Variants in NCBP3 observed in about 807,000 individuals in gnomAD.
The protein encoded by NCBP3 is nuclear cap binding subunit 3, also known as nuclear cap-binding protein subunit 3.
Under a neutral mutation model 75.7 loss-of-function variants are expected in NCBP3, and 20 were observed. The observed-to-expected ratio is 0.26, with a 90% CI of 0.19 to 0.38. The LOEUF (loss-of-function observed/expected upper bound fraction) is 0.38. Among genes scored for constraint, NCBP3 ranks in the 10% least tolerant of loss-of-function variants. The pLI is 1.00. For missense variants in NCBP3, 678 were observed against 796.9 expected (o/e 0.85, Z 1.80); for synonymous variants, 293 against 290.5 (o/e 1.01, Z -0.09).
chr17:3,835,491 G>A (rs1172802197), intron 3 of NCBP3, among the ~76,000 whole-genome samples: 2 of 152,272 alleles, frequency 1.3e-5, no homozygotes, highest in African/African-American at 4.8e-5. Context: ...TTGAGCGAAT[G>A]GGCAGCAAGC....
Position 3,809,303 on chromosome 17 carries a change from T to TAATTATGACTCAGC in NCBP3, c.*3727_*3740dup, listed in dbSNP as rs2053371716. On this transcript the variant is annotated 3_prime_UTR_variant, in exon 13 of 13. Transcript: ENST00000389005. ...TGGTGGTTCCTGAAAAGGTTAAAGA[T>TAATTATGACTCAGC]AATTATGACTCAGCAATTCCACTCC... 2.0e-5 allele frequency: 3 copies of TAATTATGACTCAGC among 152,084 alleles called. No individual in the cohort carries two copies. The highest frequency in any genetic ancestry group is 4.4e-5 in the Non-Finnish European group (3 of 68,016). The allele number at this position is 152,084 out of a possible 1,614,324, so 9.4% of individuals were successfully genotyped here.
chr17:3,818,493 GTCT>G lies in NCBP3; in HGVS notation c.1077_1079del (p.Glu359del), dbSNP rs746673147. 5.3e-5 allele frequency: 86 copies of G among 1,613,490 alleles called. No individual in the cohort carries two copies. Among genetic ancestry groups the G allele is most frequent in the Non-Finnish European group, 6.7e-5 (79 of 1,180,008 alleles). On this transcript the variant is annotated inframe_deletion, in exon 10 of 13. Transcript: ENST00000389005. The surrounding 1 kb of genome is among the most constrained non-coding windows in gnomAD (Gnocchi z 4.7). ...CTCTGTCATCTGCATCCATGTCCTG[GTCT>G]TCTTCTTCCTCTTCCTCTTCCTCCT...
At chr17:3,845,937 T>C (rs2054156632) in intron 1 of NCBP3, 104 bp downstream of exon 1, 2 of 1,335,336 alleles carry the variant, frequency 1.5e-6, no homozygotes, top group Non-Finnish European at 2.0e-6. Flanking sequence ...TCCCGCTCCC[T>C]TGACTTCCCC....
chr17:3,809,478 G>A lies in NCBP3; in HGVS notation c.*3566C>T, dbSNP rs2053375440. On this transcript the variant is annotated 3_prime_UTR_variant, in exon 13 of 13. Coordinates refer to ENST00000389005, the MANE Select transcript of NCBP3 (RefSeq NM_001114118.3). ...CCCAGAACTTTGGGAGGAAGAGGTG[G>A]GCAGATCACCTGAGGTCAGGAGTTC... 1 of 152,338 alleles carries A rather than the reference G, an allele frequency of 6.6e-6. No individual in the cohort carries two copies. The highest frequency in any genetic ancestry group is 6.5e-5 in the Admixed American group (1 of 15,292). 9.4% of individuals were successfully genotyped at this position (152,338 alleles called of 1,614,324 possible).
At chr17:3,829,965 G>A (rs577041052) in intron 3 of NCBP3, among the ~76,000 whole-genome samples, 1 of 152,316 alleles carries the variant, frequency 6.6e-6, no homozygotes, top group South Asian at 2.1e-4. Context: ...ACATGCACAT[G>A]AAAACAAGAA....
intron 9 of NCBP3, among the ~76,000 whole-genome samples, chr17:3,819,475 G>A (rs2053619547): frequency 6.6e-6 from 1 of 151,908 alleles, no homozygotes. Context: ...TAGGAGAATG[G>A]CGTGAACCCG....
chr17:3,843,716 T>G (rs898332352), intron 1 of NCBP3, among the ~76,000 whole-genome samples: 11 of 152,198 alleles, frequency 7.2e-5, no homozygotes, highest in African/African-American at 2.7e-4. Context: ...CCAGCTAATT[T>G]TTTTATTTTT....
chr17:3,812,466 C>T lies in NCBP3; in HGVS notation c.*578G>A, dbSNP rs945422759. On this transcript the variant is annotated 3_prime_UTR_variant, in exon 13 of 13. Transcript: ENST00000389005. Reference sequence around the variant, plus strand: ...GCAATCCCCGAGGGAAGAACGGAAGCACAGTCAATGCTGCAGCTCTTATCT... The same window carrying T: ...GCAATCCCCGAGGGAAGAACGGAAGTACAGTCAATGCTGCAGCTCTTATCT... The T allele has an allele frequency of 1.0e-6, 1 of 973,082 alleles. No homozygotes were observed. Among genetic ancestry groups the T allele is most frequent in the African/African-American group, 1.8e-5 (1 of 56,928 alleles). 60.3% of individuals were successfully genotyped at this position (973,082 alleles called of 1,614,324 possible). A position where few individuals can be genotyped will look rare whatever the true frequency, so the allele number is the denominator to read the frequency against.
chr17:3,826,870 G>C (rs562922053), intron 4 of NCBP3, among the ~76,000 whole-genome samples: 1 of 151,730 alleles, frequency 6.6e-6, no homozygotes, highest in Non-Finnish European at 1.5e-5. Context: ...AAAATTAGCC[G>C]GGCGTGGTGG....
intron 11 of NCBP3, among the ~76,000 whole-genome samples, chr17:3,815,104 C>T (rs1020880450): frequency 5.9e-5 from 9 of 152,208 alleles, no homozygotes; most frequent in African/African-American, 2.2e-4. Flanking sequence ...TCCAACACTT[C>T]CTAGCACTGA....
chr17:3,830,582 C>G (rs1040764498), intron 3 of NCBP3, among the ~76,000 whole-genome samples: 10 of 152,196 alleles, frequency 6.6e-5, no homozygotes, highest in African/African-American at 2.2e-4. Context: ...TTAGCCTTAT[C>G]AGGACTGCAT....
At chr17:3,842,347 C>G (rs2054079436) in intron 2 of NCBP3, among the ~76,000 whole-genome samples, 1 of 151,956 alleles carries the variant, frequency 6.6e-6, no homozygotes, top group Non-Finnish European at 1.5e-5. Context: ...ATCGCTGGAA[C>G]CCAGGAGGTG....
At chr17:3,843,257 T>TG in intron 1 of NCBP3, 106 bp from the exon 2 acceptor site, 2 of 897,290 alleles carry the variant, frequency 2.2e-6, no homozygotes, top group Non-Finnish European at 3.4e-6. Flanking sequence ...TTTTTTTTTT[T>TG]TTGTTGGTGA....
chr17:3,825,853 A>G lies in NCBP3; in HGVS notation c.611-10T>C. On this transcript the variant is annotated splice_polypyrimidine_tract_variant and intron_variant, in intron 5 of 12. Coordinates refer to ENST00000389005, the MANE Select transcript of NCBP3 (RefSeq NM_001114118.3). ...CTGTCTTCCTGCTTGTCTAAAATGG[A>G]ATGTGAAGGACAAGATGAAACAAGA... 6.5e-7 allele frequency: 1 copy of G among 1,545,158 alleles called. No homozygotes were observed. The highest frequency in any genetic ancestry group is 8.8e-7 in the Non-Finnish European group (1 of 1,141,624).
At chr17:3,815,262 C>T (rs890298795) in intron 11 of NCBP3, among the ~76,000 whole-genome samples, 6 of 152,184 alleles carry the variant, frequency 3.9e-5, no homozygotes, top group African/African-American at 1.4e-4. Context: ...GGTTACTTCT[C>T]ATGTAAAAAA....
In NCBP3 at chr17:3,846,063, C is replaced by A; in HGVS notation, c.161G>T (p.Arg54Leu). 6 of 1,548,838 alleles carry A rather than the reference C, an allele frequency of 3.9e-6. No homozygotes were observed. Among genetic ancestry groups the A allele is most frequent in the Non-Finnish European group, 4.4e-6 (5 of 1,145,806 alleles). ...TACCGGGATCAGTTCCTTGAGCGAGCGCCGCACAGGCACGATTTCCAGCTC... is the reference window on the plus strand; with the variant it reads ...TACCGGGATCAGTTCCTTGAGCGAGAGCCGCACAGGCACGATTTCCAGCTC... ...EGELEIVPVRRSLKELIPDTS... is the reference protein window; with the variant it reads ...EGELEIVPVRLSLKELIPDTS... The change falls in exon 1 of 13, where the codon CGC becomes CTC. Residue 54 changes from arginine to leucine, a missense_variant. By Grantham distance (102) the Arg-to-Leu change is moderately radical. Coordinates refer to ENST00000389005, the MANE Select transcript of NCBP3 (RefSeq NM_001114118.3). The surrounding 1 kb of genome is among the most constrained non-coding windows in gnomAD (Gnocchi z 4.6).
rs764658264 is a variant in NCBP3, at chr17:3,818,619, C to T, written c.1001-47G>A. On this transcript the variant is annotated intron_variant, in intron 9 of 12. Transcript: ENST00000389005. This position sits in a 1 kb window ranked among gnomAD's most constrained non-coding sequence, Gnocchi z 4.7. ...ACATTAGGAAAAGCACTAAAATTAACAAGTATGATTTTCTACTCTACATCG... is the reference window on the plus strand; with the variant it reads ...ACATTAGGAAAAGCACTAAAATTAATAAGTATGATTTTCTACTCTACATCG... 2 of 1,551,574 alleles carry T rather than the reference C, an allele frequency of 1.3e-6. No individual in the cohort carries two copies. The highest frequency in any genetic ancestry group is 1.2e-5 in the South Asian group (1 of 82,856).
In NCBP3 at chr17:3,819,441, T is replaced by C. The variant is rs368900911; in HGVS notation, c.1001-869A>G. Among the ~76,000 whole-genome samples, 5 of 151,984 alleles carry C rather than the reference T, an allele frequency of 3.3e-5. No individual in the cohort carries two copies. The South Asian group carries it at 8.3e-4, about 25-fold the overall frequency. On this transcript the variant is annotated intron_variant, in intron 9 of 12. Transcript: ENST00000389005. Reference sequence around the variant, plus strand: ...CGGGCATGGTGGTGTGCGCTTGTAGTCCCAGCTACTCGGGAGGCTGAGGTA... The same window carrying C: ...CGGGCATGGTGGTGTGCGCTTGTAGCCCCAGCTACTCGGGAGGCTGAGGTA...
intron 4 of NCBP3, among the ~76,000 whole-genome samples, chr17:3,827,456 TGGA>T (rs1054486080): frequency 2.0e-5 from 3 of 152,186 alleles, no homozygotes; most frequent in Non-Finnish European, 4.4e-5. Flanking sequence ...ATATGTAGAA[TGGA>T]GGCATGACAG....
Sources: gnomAD v4.1 joint callset for allele counts (sites outside exome capture counted in the v4.1 genomes callset) on GRCh38, gnomAD v4.1.1 for gene constraint, Gnocchi (gnomAD v3.1) non-coding constraint, MANE v1.5 for transcripts, NCBI Gene and HGNC (gene_info 2026-07-23, HGNC 2026-07-21) for gene names.